LYST: variants seen among roughly 807,000 people sequenced by gnomAD.
The protein encoded by LYST is lysosomal-trafficking regulator.
In LYST, 192 loss-of-function variants were observed where a neutral mutation model predicts 413.6. The observed-to-expected ratio is 0.46, with a 90% CI of 0.41 to 0.52. The LOEUF is 0.52. Ranked by LOEUF, LYST falls within the 20% of genes least tolerant of loss-of-function variation. The pLI is 0.00. For missense variants in LYST, 3,815 were observed against 4,499.9 expected, an observed-to-expected ratio of 0.85 and a Z score of 4.35; for synonymous variants, 1,525 against 1,567.3, an observed-to-expected ratio of 0.97 and a Z score of 0.64.
chr1:235,871,466 AGT>A (rs1680921089), upstream of LYST, among the ~76,000 whole-genome samples: 2 of 152,258 alleles, frequency 1.3e-5, no homozygotes, highest in Non-Finnish European at 2.9e-5. Flanking sequence ...GAAATGTCCT[AGT>A]ACTTTAAGAA....
chr1:235,698,928 T>G (rs976111368), intron 45 of LYST, among the ~76,000 whole-genome samples: 1 of 152,094 alleles, frequency 6.6e-6, no homozygotes, highest in African/African-American at 2.4e-5. Flanking sequence ...GAAAAATGTG[T>G]GTGCTAAATT....
intron 4 of LYST, among the ~76,000 whole-genome samples, chr1:235,811,226 C>A (rs1166953955): frequency 6.6e-6 from 1 of 152,146 alleles, no homozygotes; most frequent in African/African-American, 2.4e-5. Context: ...CTAACTTCAA[C>A]ATAAGAGATG....
intron 1 of LYST, among the ~76,000 whole-genome samples, chr1:235,864,227 T>C (rs929229756): frequency 6.6e-6 from 1 of 152,186 alleles, no homozygotes; most frequent in African/African-American, 2.4e-5. Flanking sequence ...TCTCTATACC[T>C]ATTGAGATGG....
chr1:235,875,395 A>G (rs1309252009), intron 1 of LYST, among the ~76,000 whole-genome samples: 1 of 152,214 alleles, frequency 6.6e-6, no homozygotes. Context: ...ATCCTGGGAC[A>G]AATATCTTGG....
At chr1:235,755,835 T>C (rs1478849442) in intron 24 of LYST, among the ~76,000 whole-genome samples, 188 bp from the exon 25 acceptor site, 1 of 152,174 alleles carries the variant, frequency 6.6e-6, no homozygotes, top group African/African-American at 2.4e-5. Flanking sequence ...GGAATGCTAA[T>C]GATGACTCCA....
chr1:235,868,733 T>A (rs555991484), upstream of LYST, among the ~76,000 whole-genome samples: 7 of 152,192 alleles, frequency 4.6e-5, no homozygotes, highest in South Asian at 8.3e-4. Context: ...CTTCACTCTT[T>A]TTCCCTGACT....
At chr1:235,793,736 T>C (rs771009066) in intron 10 of LYST, 124 bp from the exon 11 acceptor site, 5 of 530,652 alleles carry the variant, frequency 9.4e-6, no homozygotes, top group Admixed American at 3.6e-5. Context: ...AAATCTAGTA[T>C]AGGAATCACA....
chr1:235,678,360 C>T (rs937588629), intron 48 of LYST, among the ~76,000 whole-genome samples: 3 of 152,084 alleles, frequency 2.0e-5, no homozygotes, highest in African/African-American at 7.2e-5. Context: ...AGTGTACTTT[C>T]AGAAGGTGTC....
chr1:235,733,158 C>A (rs1483200592), intron 34 of LYST, among the ~76,000 whole-genome samples: 1 of 151,920 alleles, frequency 6.6e-6, no homozygotes, highest in African/African-American at 2.4e-5. Context: ...TGATTTCCCG[C>A]TTTTTGTTAT....
intron 48 of LYST, among the ~76,000 whole-genome samples, chr1:235,680,654 A>G (rs1005562163): frequency 6.6e-6 from 1 of 151,430 alleles, no homozygotes; most frequent in African/African-American, 2.4e-5. Context: ...GCTGGAGTGC[A>G]ATGGCGCAAC....
At chr1:235,782,318 G>A (rs1217874762) in intron 14 of LYST, among the ~76,000 whole-genome samples, 1 of 151,758 alleles carries the variant, frequency 6.6e-6, no homozygotes, top group African/African-American at 2.4e-5. Flanking sequence ...ACAGGTGCCC[G>A]CCACCAGGCC....
At chr1:235,726,309 G>A (rs1450069019) in intron 38 of LYST, among the ~76,000 whole-genome samples, 6 of 150,658 alleles carry the variant, frequency 4.0e-5, no homozygotes, top group South Asian at 2.1e-4. Flanking sequence ...TATTGTTCTT[G>A]GTCCAAAATA....
intron 1 of LYST, among the ~76,000 whole-genome samples, chr1:235,880,045 G>C (rs1681311172): frequency 6.6e-6 from 1 of 152,142 alleles, no homozygotes; most frequent in East Asian, 1.9e-4. Flanking sequence ...ACTGAGAATG[G>C]ATCTAAGTTT....
chr1:235,880,627 A>G (rs1310088357), intron 1 of LYST, among the ~76,000 whole-genome samples: 1 of 152,104 alleles, frequency 6.6e-6, no homozygotes, highest in Non-Finnish European at 1.5e-5. Flanking sequence ...TACCAAGAGT[A>G]TTTTTTCTAT....
At chr1:235,842,076 TAGAC>T (rs559451322) in intron 1 of LYST, among the ~76,000 whole-genome samples, 3 of 152,148 alleles carry the variant, frequency 2.0e-5, no homozygotes, top group South Asian at 4.2e-4. Context: ...GGTCTAATAA[TAGAC>T]AGTGCAGACT....
chr1:235,710,915 A>C (rs1662358224), intron 43 of LYST, among the ~76,000 whole-genome samples: 1 of 152,080 alleles, frequency 6.6e-6, no homozygotes, highest in African/African-American at 2.4e-5. Flanking sequence ...ACATGAAAAA[A>C]CACTGACATT....
At chr1:235,869,341 G>T (rs1359947730), upstream of LYST, among the ~76,000 whole-genome samples, 2 of 152,120 alleles carry the variant, frequency 1.3e-5, no homozygotes, top group Non-Finnish European at 2.9e-5. Flanking sequence ...GCGCGGTGGC[G>T]GACGCCTGTA....
At chr1:235,813,910 A>G (rs929327992) in intron 3 of LYST, among the ~76,000 whole-genome samples, 16 of 152,202 alleles carry the variant, frequency 1.1e-4, no homozygotes, top group African/African-American at 3.9e-4. Context: ...TGATGACACA[A>G]TCAGATTTGC....
chr1:235,777,480 C>T (rs1323968482), intron 16 of LYST, among the ~76,000 whole-genome samples, 172 bp from the exon 17 acceptor site: 1 of 152,164 alleles, frequency 6.6e-6, no homozygotes, highest in Non-Finnish European at 1.5e-5. Flanking sequence ...CTGTTTCCCA[C>T]AAAGCAAATG....
Sources: gnomAD v4.1 joint callset for allele counts (sites outside exome capture counted in the v4.1 genomes callset) on GRCh38, gnomAD v4.1.1 for gene constraint, MANE v1.5 for transcripts, NCBI Gene and HGNC (gene_info 2026-07-23, HGNC 2026-07-21) for gene names.